ZNF33A: variants seen among roughly 807,000 people sequenced by gnomAD.
ZNF33A encodes zinc finger protein 33A.
ZNF33A carries 9 observed loss-of-function variants against 15.9 expected under a neutral mutation model. The ratio of observed to expected loss-of-function variants is 0.57; its 90% CI spans 0.34 to 0.99. ZNF33A has a LOEUF of 0.99. ZNF33A is among the 50% of genes least tolerant of loss of function. The pLI is 0.02. For synonymous variants in ZNF33A, 294 were observed against 324.2 expected, an observed-to-expected ratio of 0.91 and a Z score of 1.00; for missense variants, 843 against 941.6, an observed-to-expected ratio of 0.90 and a Z score of 1.37.
intron 4 of ZNF33A, among the ~76,000 whole-genome samples, chr10:38,046,258 A>G (rs1332166441): frequency 6.6e-6 from 1 of 152,180 alleles, no homozygotes; most frequent in Non-Finnish European, 1.5e-5. Flanking sequence ...GCAAAGTACT[A>G]ATCGGCTCAT....
intron 4 of ZNF33A, among the ~76,000 whole-genome samples, chr10:38,021,624 ACT>A (rs1245735183): frequency 1.3e-5 from 2 of 151,838 alleles, no homozygotes; most frequent in East Asian, 1.9e-4. Flanking sequence ...ACAGAATAAG[ACT>A]CTGTCTCAAA....
intron 4 of ZNF33A, among the ~76,000 whole-genome samples, chr10:38,053,010 G>A (rs1452690262): frequency 6.6e-6 from 1 of 151,570 alleles, no homozygotes; most frequent in Non-Finnish European, 1.5e-5. Context: ...TTTAATTGTA[G>A]ACCATCTTTA....
intron 4 of ZNF33A, among the ~76,000 whole-genome samples, chr10:38,033,466 T>C (rs1316353111): frequency 2.0e-5 from 3 of 152,192 alleles, no homozygotes; most frequent in African/African-American, 4.8e-5. Flanking sequence ...ATTTCAGATA[T>C]ATACCTAGAA....
At chr10:38,010,641 C>T (rs1434655040), upstream of ZNF33A, 2 of 1,462,652 alleles carry the variant, frequency 1.4e-6, no homozygotes, top group Non-Finnish European at 1.9e-6. Context: ...TGCGCGTGGG[C>T]TCTGCGCATG....
At chr10:38,030,669 G>C (rs544292410) in intron 4 of ZNF33A, among the ~76,000 whole-genome samples, 1 of 152,156 alleles carries the variant, frequency 6.6e-6, no homozygotes, top group Non-Finnish European at 1.5e-5. Context: ...GGTTGAGAAA[G>C]AAGGGAGAAG....
At chr10:38,048,223 A>G (rs1294379801) in intron 4 of ZNF33A, among the ~76,000 whole-genome samples, 1 of 152,206 alleles carries the variant, frequency 6.6e-6, no homozygotes, top group Non-Finnish European at 1.5e-5. Flanking sequence ...AATATTGACT[A>G]CTTGGATATG....
intron 4 of ZNF33A, among the ~76,000 whole-genome samples, chr10:38,025,013 A>G (rs2064921967): frequency 6.6e-6 from 1 of 152,242 alleles, no homozygotes. Flanking sequence ...GCATATTGTT[A>G]TAACTTTTCT....
chr10:38,013,051 C>G (rs771862407), intron 2 of ZNF33A, among the ~76,000 whole-genome samples: 1 of 152,148 alleles, frequency 6.6e-6, no homozygotes, highest in Non-Finnish European at 1.5e-5. Context: ...TTATTTCACA[C>G]AGGTTCCAGT....
intron 4 of ZNF33A, among the ~76,000 whole-genome samples, chr10:38,044,432 A>C (rs2065863708): frequency 6.7e-6 from 1 of 150,076 alleles, no homozygotes. Context: ...CTGGTCTTGA[A>C]CTCCTGACCG....
chr10:38,015,911 G>T (rs894729990), intron 2 of ZNF33A: 8 of 1,007,180 alleles, frequency 7.9e-6, no homozygotes, highest in South Asian at 1.0e-4. Context: ...ACGAAACCTG[G>T]TCCTGTAATT....
downstream of ZNF33A, among the ~76,000 whole-genome samples, chr10:38,062,819 C>A (rs550072189): frequency 6.6e-6 from 1 of 152,000 alleles, no homozygotes; most frequent in South Asian, 2.1e-4. Flanking sequence ...CTGGCTAACA[C>A]GGTGAAACCC....
intron 4 of ZNF33A, among the ~76,000 whole-genome samples, chr10:38,036,999 C>T (rs1326242709): frequency 6.6e-6 from 1 of 152,110 alleles, no homozygotes; most frequent in African/African-American, 2.4e-5. Context: ...TAATTACATA[C>T]ATTATTAGCC....
At chr10:38,017,415 C>T (rs1031856088) in intron 4 of ZNF33A, 29 bp downstream of exon 4, 15 of 1,544,340 alleles carry the variant, frequency 9.7e-6, no homozygotes, top group Admixed American at 3.7e-5. Context: ...CACAGATTCA[C>T]ATCAGGGGAT....
chr10:38,030,188 GTTT>G (rs748979935), intron 4 of ZNF33A, among the ~76,000 whole-genome samples: 2 of 152,138 alleles, frequency 1.3e-5, no homozygotes, highest in Non-Finnish European at 2.9e-5. Context: ...CTAGAAAATA[GTTT>G]GTCAGTTCCA....
chr10:38,049,450 T>C (rs2066098507), intron 4 of ZNF33A, among the ~76,000 whole-genome samples: 1 of 152,128 alleles, frequency 6.6e-6, no homozygotes, highest in Non-Finnish European at 1.5e-5. Context: ...CAAATATGCA[T>C]TGTGTGTGTT....
chr10:38,024,441 T>C (rs1335331692), intron 4 of ZNF33A, among the ~76,000 whole-genome samples: 4 of 152,226 alleles, frequency 2.6e-5, no homozygotes, highest in Non-Finnish European at 5.9e-5. Context: ...GGTCTCTTGA[T>C]AGATTGGAAA....
intron 4 of ZNF33A, among the ~76,000 whole-genome samples, chr10:38,023,720 A>G (rs1361551201): frequency 6.6e-6 from 1 of 152,182 alleles, no homozygotes; most frequent in Non-Finnish European, 1.5e-5. Context: ...TGCTCCTGCC[A>G]CTCTTATTCA....
intron 4 of ZNF33A, among the ~76,000 whole-genome samples, chr10:38,028,768 C>G (rs2065093418): frequency 6.6e-6 from 1 of 152,176 alleles, no homozygotes; most frequent in South Asian, 2.1e-4. Flanking sequence ...CATGCCTGGA[C>G]TGATTTTTAT....
chr10:38,027,761 T>C (rs1363023442), intron 4 of ZNF33A, among the ~76,000 whole-genome samples: 3 of 152,216 alleles, frequency 2.0e-5, no homozygotes, highest in African/African-American at 7.2e-5. Context: ...ACTTTTTATA[T>C]CTTATTGATG....
Sources: gnomAD v4.1 joint callset for allele counts (sites outside exome capture counted in the v4.1 genomes callset) on GRCh38, gnomAD v4.1.1 for gene constraint, MANE v1.5 for transcripts, NCBI Gene and HGNC (gene_info 2026-07-23, HGNC 2026-07-21) for gene names.